NSUN6: variants seen among roughly 807,000 people sequenced by gnomAD.
NSUN6 encodes NOP2/Sun RNA methyltransferase 6.
NSUN6 carries 64 observed loss-of-function variants against 58.0 expected under a neutral mutation model. The observed-to-expected ratio is 1.10, with a 90% CI of 0.90 to 1.36. The LOEUF (loss-of-function observed/expected upper bound fraction) is 1.36, where lower values mean the gene tolerates loss of function less well. Among genes scored for constraint, NSUN6 ranks in the 40% most tolerant of loss-of-function variants. NSUN6 has a pLI of 0.00. For missense variants in NSUN6, 701 were observed against 550.1 expected (o/e 1.27, Z -2.74); for synonymous variants, 231 against 193.9 (o/e 1.19, Z -1.59).
chr10:18,576,451 T>G (rs2056651866), intron 8 of NSUN6, among the ~76,000 whole-genome samples: 1 of 152,154 alleles, frequency 6.6e-6, no homozygotes, highest in South Asian at 2.1e-4. Flanking sequence ...GGTCCAACAT[T>G]CTGTGGACCA....
At chr10:18,644,789 A>G (rs1349682202) in intron 2 of NSUN6, among the ~76,000 whole-genome samples, 2 of 151,346 alleles carry the variant, frequency 1.3e-5, no homozygotes, top group Non-Finnish European at 3.0e-5. Flanking sequence ...GCAGTGAGCC[A>G]AGATCACGCC....
At chr10:18,641,728 G>GAACATAAATGGGACACAGTAGTTT (rs2059396520) in intron 3 of NSUN6, among the ~76,000 whole-genome samples, 1 of 152,024 alleles carries the variant, frequency 6.6e-6, no homozygotes, top group African/African-American at 2.4e-5. Context: ...TAAACGCGCA[G>GAACATAAATGGGACACAGTAGTTT]AACATAAATG....
chr10:18,602,082 G>C (rs1446490122), intron 6 of NSUN6, among the ~76,000 whole-genome samples: 2 of 151,580 alleles, frequency 1.3e-5, no homozygotes, highest in African/African-American at 4.8e-5. Context: ...GTTTTGTTTT[G>C]AGATGGTGTT....
chr10:18,624,052 C>A (rs1228197974), intron 3 of NSUN6, among the ~76,000 whole-genome samples: 1 of 151,768 alleles, frequency 6.6e-6, no homozygotes, highest in East Asian at 1.9e-4. Flanking sequence ...ACACAAAAAG[C>A]AGAAGGTAGA....
rs528646612 is a variant in NSUN6 at position 18,559,479 on chromosome 10, T to C, written c.923-7508A>G. Among the ~76,000 whole-genome samples, 8 of 144,034 alleles carry C rather than the reference T, an allele frequency of 5.6e-5. No homozygotes were observed. In the East Asian group the frequency reaches 1.6e-3, roughly 29 times the overall value. The allele number at this position is 144,034 out of a possible 152,430, so 94.5% of individuals were successfully genotyped here. A position where few individuals can be genotyped will look rare whatever the true frequency, so the allele number is the denominator to read the frequency against. ...GATTGGAATGGAATGGAGAATCGAATGGAGAATGGAATGGAATGGAATGGA... is the reference window on the plus strand; with the variant it reads ...GATTGGAATGGAATGGAGAATCGAACGGAGAATGGAATGGAATGGAATGGA... On this transcript the variant is annotated intron_variant, in intron 8 of 10. Transcript: ENST00000377304.
At chr10:18,580,014 T>G (rs2131059495) in intron 8 of NSUN6, among the ~76,000 whole-genome samples, 1 of 152,278 alleles carries the variant, frequency 6.6e-6, no homozygotes, top group South Asian at 2.1e-4. Context: ...CACCTGTAAC[T>G]ACACCTAGGG....
At chr10:18,656,193 T>G (rs2059775906), upstream of NSUN6, among the ~76,000 whole-genome samples, 1 of 152,190 alleles carries the variant, frequency 6.6e-6, no homozygotes, top group African/African-American at 2.4e-5. Context: ...ACGGGAAATC[T>G]ATCAGTCACA....
intron 8 of NSUN6, among the ~76,000 whole-genome samples, chr10:18,577,699 T>C (rs771872185): frequency 1.3e-5 from 2 of 152,234 alleles, no homozygotes; most frequent in Non-Finnish European, 2.9e-5. Context: ...TATGTCAGTA[T>C]GTTCAATTCT....
chr10:18,634,598 CA>C (rs35289727), intron 3 of NSUN6, among the ~76,000 whole-genome samples: 381 of 134,296 alleles, frequency 2.8e-3, no homozygotes, highest in African/African-American at 5.9e-3. Flanking sequence ...AAAAAAAATA[CA>C]AAAAAAAAAA....
In NSUN6 at chr10:18,577,637, G is replaced by A. The variant is rs181839998; in HGVS notation, c.922+8312C>T. Among the ~76,000 whole-genome samples the A allele has an allele frequency of 1.4e-4, 21 of 152,314 alleles. No homozygotes were observed. The East Asian group carries it at 4.1e-3, about 29-fold the overall frequency. ...AGAGAAAGAGCTATAAGGAAAATGT[G>A]AGAAGAGGGAATTATTAGATATGAG... On this transcript the variant is annotated intron_variant, in intron 8 of 10. Coordinates refer to ENST00000377304, the MANE Select transcript of NSUN6 (RefSeq NM_182543.5).
At chr10:18,563,322 A>G (rs1379161804) in intron 8 of NSUN6, among the ~76,000 whole-genome samples, 2 of 151,034 alleles carry the variant, frequency 1.3e-5, no homozygotes, top group Non-Finnish European at 3.0e-5. Flanking sequence ...GGAGAATGTA[A>G]TTGATTACAG....
intron 8 of NSUN6, among the ~76,000 whole-genome samples, chr10:18,557,217 A>G (rs116245863): frequency 0.026 from 3,990 of 151,116 alleles, 173 homozygotes; most frequent in African/African-American, 0.091. Context: ...CAATGGAGAA[A>G]AGAGAACATG....
intron 8 of NSUN6, among the ~76,000 whole-genome samples, chr10:18,572,948 T>TTCCATTCCATTCTC (rs2056455116): frequency 1.3e-5 from 2 of 151,302 alleles, no homozygotes; most frequent in African/African-American, 4.9e-5. Context: ...CCTTTCTCCA[T>TTCCATTCCATTCTC]TCCATTCCAT....
At chr10:18,563,173 G>A (rs1412051234) in intron 8 of NSUN6, among the ~76,000 whole-genome samples, 1 of 96,156 alleles carries the variant, frequency 1.0e-5, no homozygotes, top group Non-Finnish European at 2.1e-5. Context: ...AGAATGGAAT[G>A]GAATGGAGAA....
chr10:18,603,474 TTTTC>T (rs2057927610), intron 6 of NSUN6, among the ~76,000 whole-genome samples: 4 of 143,762 alleles, frequency 2.8e-5, no homozygotes, highest in Non-Finnish European at 6.3e-5. Flanking sequence ...TTTTCTTTTC[TTTTC>T]TTTTTTTTTG....
chr10:18,607,711 G>A (rs1311370480), intron 6 of NSUN6, among the ~76,000 whole-genome samples: 1 of 152,196 alleles, frequency 6.6e-6, no homozygotes, highest in East Asian at 1.9e-4. Context: ...GATCTTCCAA[G>A]GGTTACATCT....
intron 3 of NSUN6, among the ~76,000 whole-genome samples, chr10:18,627,539 G>C (rs982340776): frequency 6.6e-6 from 1 of 152,208 alleles, no homozygotes; most frequent in African/African-American, 2.4e-5. Flanking sequence ...AGTGGGCGCA[G>C]GTCAGTGGGT....
chr10:18,603,713 G>A (rs1404744767), intron 6 of NSUN6, among the ~76,000 whole-genome samples: 2 of 152,092 alleles, frequency 1.3e-5, no homozygotes, highest in African/African-American at 4.8e-5. Context: ...CTGACCTCAG[G>A]TGATCCGCCC....
chr10:18,557,755 T>C (rs1336143815), intron 8 of NSUN6, among the ~76,000 whole-genome samples: 6 of 147,326 alleles, frequency 4.1e-5, no homozygotes, highest in Non-Finnish European at 9.0e-5. Context: ...GAATGGAGAA[T>C]AGAATGGAAT....
Sources: allele counts gnomAD v4.1 joint callset (sites outside exome capture counted in the v4.1 genomes callset), GRCh38; gene constraint gnomAD v4.1.1; transcripts MANE v1.5; gene names NCBI Gene and HGNC (gene_info 2026-07-23, HGNC 2026-07-21).